Variants in VWA8 observed in about 807,000 individuals in gnomAD.
VWA8 encodes von Willebrand factor A domain-containing protein 8.
A neutral mutation model predicts 241.5 loss-of-function variants in VWA8; 221 were observed. The observed-to-expected ratio is 0.91, with a 90% CI of 0.82 to 1.02. The LOEUF is 1.02. Among genes scored for constraint, VWA8 ranks in the 50% least tolerant of loss-of-function variants. The pLI is 0.00. For missense variants in VWA8, 2,322 were observed against 2,328.7 expected (o/e 1.00, Z 0.06); for synonymous variants, 852 against 827.1 (o/e 1.03, Z -0.52).
At position 41,865,900 on chromosome 13, in the gene VWA8, AC is replaced by A; in HGVS notation, c.1347+1del. On this transcript the variant is annotated splice_donor_variant, in intron 11 of 44. Transcript: ENST00000379310. LOFTEE classifies it high-confidence loss of function. Reference sequence around the variant, plus strand: ...AGTCTGCAGTGAGACTGTCATTCTTACCTTTCCTCCAATTAAACATATATCT... The same window carrying A: ...AGTCTGCAGTGAGACTGTCATTCTTACTTTCCTCCAATTAAACATATATCT... 7 of 1,614,224 alleles carry A rather than the reference AC, an allele frequency of 4.3e-6. No homozygotes were observed. The highest frequency in any genetic ancestry group is 5.9e-6 in the Non-Finnish European group (7 of 1,180,028).
Position 41,819,206 on chromosome 13 carries a change from C to T in VWA8, c.1869+12G>A, listed in dbSNP as rs1489991631. 2 of 1,591,652 alleles carry T rather than the reference C, an allele frequency of 1.3e-6. No homozygotes were observed. The highest frequency in any genetic ancestry group is 1.7e-6 in the Non-Finnish European group (2 of 1,173,900). ...TTTTAAGAAAATAGACTAAGATTGG[C>T]TTTCTTCTTACCTTTTCCTTAATCA... On this transcript the variant is annotated intron_variant, in intron 15 of 44. Transcript: ENST00000379310.
intron 39 of VWA8, among the ~76,000 whole-genome samples, chr13:41,609,881 C>T (rs1021341128): frequency 2.6e-5 from 4 of 152,186 alleles, no homozygotes; most frequent in African/African-American, 9.6e-5. Flanking sequence ...CCTCTCTTTC[C>T]TCTCTTACAT....
intron 26 of VWA8, among the ~76,000 whole-genome samples, chr13:41,709,812 C>G (rs2045305254): frequency 6.7e-6 from 1 of 149,798 alleles, no homozygotes; most frequent in Non-Finnish European, 1.5e-5. Context: ...AGCTATGTTG[C>G]CCAGCTGGAG....
chr13:41,596,611 A>G (rs2044489718), intron 40 of VWA8, among the ~76,000 whole-genome samples: 1 of 152,080 alleles, frequency 6.6e-6, no homozygotes, highest in African/African-American at 2.4e-5. Flanking sequence ...CACTAATGAG[A>G]GTTCATTATA....
chr13:41,821,441 T>C (rs1870954995), intron 14 of VWA8, among the ~76,000 whole-genome samples: 1 of 152,184 alleles, frequency 6.6e-6, no homozygotes, highest in Non-Finnish European at 1.5e-5. Flanking sequence ...AGTCATTTCC[T>C]GATGATGCTA....
chr13:41,668,363 ACT>A (rs1593685266), intron 37 of VWA8, among the ~76,000 whole-genome samples: 1 of 152,072 alleles, frequency 6.6e-6, no homozygotes, highest in East Asian at 1.9e-4. Flanking sequence ...AGATCAGGTT[ACT>A]CTGTCAGTGA....
chr13:41,604,025 A>G lies in VWA8; in HGVS notation c.4986+1143T>C, dbSNP rs12873060. On this transcript the variant is annotated intron_variant, in intron 40 of 44. Transcript: ENST00000379310. Reference sequence around the variant, plus strand: ...AATGCCTGGTGTGCATCGAGAACTTAAGAAGTGAGTGAATCACTGAACCAT... The same window carrying G: ...AATGCCTGGTGTGCATCGAGAACTTGAGAAGTGAGTGAATCACTGAACCAT... Among the ~76,000 whole-genome samples, 1,125 of 152,244 alleles carry G rather than the reference A, an allele frequency of 7.4e-3. 8 individuals are homozygous for G. The highest frequency in any genetic ancestry group is 0.034 in the South Asian group (166 of 4,820).
intron 12 of VWA8, 149 bp from the exon 13 acceptor site, chr13:41,833,680 A>C: frequency 9.9e-7 from 1 of 1,009,892 alleles, no homozygotes; most frequent in Non-Finnish European, 1.3e-6. Flanking sequence ...AATTCCTAAA[A>C]CGAAAGCTCT....
chr13:41,778,679 C>G (rs887809519), intron 19 of VWA8, among the ~76,000 whole-genome samples: 3 of 152,004 alleles, frequency 2.0e-5, no homozygotes, highest in African/African-American at 7.2e-5. Context: ...GATCTACACT[C>G]CAGCACAATT....
At chr13:41,593,827 G>A (rs2044472075) in intron 40 of VWA8, among the ~76,000 whole-genome samples, 1 of 152,174 alleles carries the variant, frequency 6.6e-6, no homozygotes, top group Non-Finnish European at 1.5e-5. Context: ...AGAGAACAGG[G>A]TGGCAGTGGT....
intron 21 of VWA8, among the ~76,000 whole-genome samples, chr13:41,736,788 C>G (rs1027753703): frequency 6.7e-6 from 1 of 150,330 alleles, no homozygotes; most frequent in Non-Finnish European, 1.5e-5. Context: ...AAAGGAAAGA[C>G]AGAATATGGA....
rs149516780 is a variant in VWA8 at position 41,722,009 on chromosome 13, A to G, written c.2759-434T>C. ...AGTTTAGATAATTTATTCCTTTTCT[A>G]TTAATGGGAATATATATTTCAAATG... On this transcript the variant is annotated intron_variant, in intron 24 of 44. Transcript: ENST00000379310. Among the ~76,000 whole-genome samples the G allele has an allele frequency of 4.6e-5, 7 of 152,274 alleles. No individual in the cohort carries two copies. The East Asian group carries it at 9.6e-4, about 21-fold the overall frequency.
At chr13:41,681,527 A>C (rs193136528) in intron 35 of VWA8, among the ~76,000 whole-genome samples, 1 of 152,236 alleles carries the variant, frequency 6.6e-6, no homozygotes, top group Admixed American at 6.5e-5. Context: ...TTTGTGAATG[A>C]TAAGTACTGA....
At chr13:41,927,178 T>C in intron 2 of VWA8, 1 of 445,668 alleles carries the variant, frequency 2.2e-6, no homozygotes, top group Non-Finnish European at 4.5e-6. Context: ...TGAAAACTTC[T>C]GTACTGCCCT....
intron 21 of VWA8, among the ~76,000 whole-genome samples, chr13:41,744,678 C>T (rs1413594556): frequency 3.3e-5 from 5 of 152,114 alleles, no homozygotes; most frequent in Admixed American, 2.0e-4. Flanking sequence ...GTCTGCTTAC[C>T]TAACAACTCT....
chr13:41,577,971 C>A (rs972251433), intron 42 of VWA8, among the ~76,000 whole-genome samples: 9 of 152,150 alleles, frequency 5.9e-5, no homozygotes, highest in Non-Finnish European at 1.2e-4. Context: ...AAGATACTGG[C>A]TGATTAAAAC....
intron 12 of VWA8, among the ~76,000 whole-genome samples, chr13:41,844,221 T>C (rs533775580): frequency 6.6e-6 from 1 of 152,084 alleles, no homozygotes; most frequent in Non-Finnish European, 1.5e-5. Flanking sequence ...ATAAACAGAA[T>C]TAAAAGCAAA....
chr13:41,954,663 T>C (rs1878279389), intron 1 of VWA8, among the ~76,000 whole-genome samples: 1 of 152,230 alleles, frequency 6.6e-6, no homozygotes, highest in South Asian at 2.1e-4. Flanking sequence ...AAAGAAGAGC[T>C]TTTTATCTAC....
intron 9 of VWA8, among the ~76,000 whole-genome samples, chr13:41,869,018 A>C (rs1469086681): frequency 2.0e-5 from 3 of 152,128 alleles, no homozygotes; most frequent in Non-Finnish European, 4.4e-5. Flanking sequence ...TAGTCCCTAA[A>C]ATTTACTAAA....
Sources: allele counts gnomAD v4.1 joint callset (sites outside exome capture counted in the v4.1 genomes callset), GRCh38; gene constraint gnomAD v4.1.1; transcripts MANE v1.5; gene names NCBI Gene and HGNC (gene_info 2026-07-23, HGNC 2026-07-21).